The following PARD3 variants were observed in gnomAD, a reference collection of about 807,000 sequenced individuals.
PARD3 encodes partitioning defective 3 homolog.
Under a neutral mutation model 155.4 loss-of-function variants are expected in PARD3, and 75 were observed. The ratio of observed to expected loss-of-function variants is 0.48; its 90% CI spans 0.40 to 0.58. The LOEUF is 0.58. Among genes scored for constraint, PARD3 ranks in the 20% least tolerant of loss-of-function variants. PARD3 has a pLI of 0.00. For missense variants in PARD3, 1,642 were observed against 1,721.7 expected, an observed-to-expected ratio of 0.95 and a Z score of 0.82; for synonymous variants, 576 against 610.5, an observed-to-expected ratio of 0.94 and a Z score of 0.83.
intron 20 of PARD3, among the ~76,000 whole-genome samples, chr10:34,315,194 C>T (rs371543385): frequency 6.6e-6 from 1 of 152,112 alleles, no homozygotes; most frequent in African/African-American, 2.4e-5. Context: ...TCATGTAATG[C>T]TTGATAGGAC....
intron 1 of PARD3, among the ~76,000 whole-genome samples, chr10:34,726,822 A>G (rs1305240318): frequency 1.3e-5 from 2 of 151,858 alleles, no homozygotes; most frequent in Non-Finnish European, 2.9e-5. Context: ...ATGTATAAGG[A>G]AAGGCCAGCA....
chr10:34,774,197 A>G (rs187427315), intron 1 of PARD3, among the ~76,000 whole-genome samples: 13 of 152,336 alleles, frequency 8.5e-5, no homozygotes, highest in African/African-American at 3.1e-4. Context: ...CATTATTAGG[A>G]AATTATAACT....
chr10:34,811,436 C>A (rs955661307), intron 1 of PARD3, among the ~76,000 whole-genome samples: 3 of 152,204 alleles, frequency 2.0e-5, no homozygotes, highest in Admixed American at 1.3e-4. Context: ...CAGAGCCCAT[C>A]TGCCCCTGCA....
intron 14 of PARD3, among the ~76,000 whole-genome samples, chr10:34,351,164 G>A (rs186906524): frequency 9.7e-4 from 148 of 152,258 alleles, no homozygotes; most frequent in African/African-American, 3.0e-3. Context: ...TGAAAAGTTC[G>A]TATTGGAATG....
At chr10:34,359,614 A>C (rs1176757582) in intron 13 of PARD3, among the ~76,000 whole-genome samples, 1 of 152,198 alleles carries the variant, frequency 6.6e-6, no homozygotes, top group Non-Finnish European at 1.5e-5. Flanking sequence ...TGCTTCCAGA[A>C]ACACCCATAG....
At chr10:34,482,486 A>C (rs1310573708) in intron 3 of PARD3, among the ~76,000 whole-genome samples, 3 of 152,122 alleles carry the variant, frequency 2.0e-5, no homozygotes, top group Non-Finnish European at 1.5e-5. Flanking sequence ...CCATTCAAAA[A>C]GGAACAAATC....
intron 2 of PARD3, among the ~76,000 whole-genome samples, chr10:34,541,987 C>T (rs965122337): frequency 5.3e-5 from 8 of 152,086 alleles, no homozygotes; most frequent in Admixed American, 5.2e-4. Flanking sequence ...AGCAGTCCTC[C>T]AGCCTCAGCC....
intron 2 of PARD3, among the ~76,000 whole-genome samples, chr10:34,643,894 G>A (rs1183684970): frequency 2.6e-5 from 4 of 152,172 alleles, no homozygotes; most frequent in Admixed American, 1.3e-4. Context: ...TCTACCCTGG[G>A]CAACAGAGCG....
intron 21 of PARD3, among the ~76,000 whole-genome samples, chr10:34,279,163 T>TTTTTA (rs1210842587): frequency 6.8e-6 from 1 of 148,126 alleles, no homozygotes; most frequent in African/African-American, 2.5e-5. Flanking sequence ...TTTTTTTTTT[T>TTTTTA]AGAGACAAGC....
chr10:34,238,068 T>G (rs182867689), intron 22 of PARD3, among the ~76,000 whole-genome samples: 75 of 152,354 alleles, frequency 4.9e-4, no homozygotes, highest in African/African-American at 1.6e-3. Flanking sequence ...CAACTTACAA[T>G]GTACTGTACT....
At chr10:34,178,334 G>C (rs1174672489) in intron 22 of PARD3, among the ~76,000 whole-genome samples, 1 of 152,156 alleles carries the variant, frequency 6.6e-6, no homozygotes, top group Non-Finnish European at 1.5e-5. Context: ...AAGAAAAGAT[G>C]AATTTAGATC....
intron 22 of PARD3, among the ~76,000 whole-genome samples, chr10:34,156,508 T>C (rs554928853): frequency 6.6e-6 from 1 of 152,198 alleles, no homozygotes; most frequent in Non-Finnish European, 1.5e-5. Flanking sequence ...ACTAAAGGTA[T>C]AATTTTTAAG....
intron 12 of PARD3, among the ~76,000 whole-genome samples, chr10:34,369,424 G>T (rs559625384): frequency 6.6e-6 from 1 of 151,982 alleles, no homozygotes; most frequent in East Asian, 1.9e-4. Flanking sequence ...GTGTGGCCCA[G>T]GGAAGCCAAG....
At chr10:34,425,980 T>C (rs1378248041) in intron 5 of PARD3, among the ~76,000 whole-genome samples, 5 of 152,164 alleles carry the variant, frequency 3.3e-5, no homozygotes, top group Non-Finnish European at 7.3e-5. Context: ...CCCAATAAAC[T>C]ATCAGGTATC....
At chr10:34,576,372 TA>T (rs201776097) in intron 2 of PARD3, among the ~76,000 whole-genome samples, 2,220 of 152,240 alleles carry the variant, frequency 0.015, 20 homozygotes, top group Non-Finnish European at 0.019. Context: ...TTTCACCTTT[TA>T]AAAGTTGTTA....
intron 1 of PARD3, among the ~76,000 whole-genome samples, chr10:34,782,077 T>G (rs561375260): frequency 2.6e-5 from 4 of 152,144 alleles, no homozygotes; most frequent in Non-Finnish European, 5.9e-5. Flanking sequence ...AGTAAGGAAG[T>G]GCACTTTGAC....
rs189598757 is a variant in PARD3 at position 34,514,899 on chromosome 10, A to T, written c.403+2080T>A. On this transcript the variant is annotated intron_variant, in intron 3 of 24. Coordinates refer to ENST00000374788, the MANE Select transcript of PARD3 (RefSeq NM_001184785.2). ...TTCTAATATTTTTTATGGTGTGGCTATATTAAAGCTACAAATTGCTTTAGA... is the reference window on the plus strand; with the variant it reads ...TTCTAATATTTTTTATGGTGTGGCTTTATTAAAGCTACAAATTGCTTTAGA... 3.0e-3 allele frequency among the ~76,000 whole-genome samples: 464 copies of T among 152,322 alleles called. 1 individual carries two copies. The highest frequency in any genetic ancestry group is 5.4e-3 in the Non-Finnish European group (366 of 68,014).
At chr10:34,151,165 A>G (rs1485308655) in intron 22 of PARD3, among the ~76,000 whole-genome samples, 1 of 125,148 alleles carries the variant, frequency 8.0e-6, no homozygotes, top group Non-Finnish European at 1.7e-5. Context: ...AAAACTTTGT[A>G]AGCTTCATTT....
At chr10:34,174,567 G>C (rs1046108597) in intron 22 of PARD3, among the ~76,000 whole-genome samples, 1 of 152,180 alleles carries the variant, frequency 6.6e-6, no homozygotes. Flanking sequence ...GAGGCCACCT[G>C]TCTGGCTGGC....
Sources: gnomAD v4.1 joint callset for allele counts (sites outside exome capture counted in the v4.1 genomes callset) on GRCh38, gnomAD v4.1.1 for gene constraint, MANE v1.5 for transcripts, NCBI Gene and HGNC (gene_info 2026-07-23, HGNC 2026-07-21) for gene names.